Variants in PANK1 observed in about 807,000 individuals in gnomAD.
PANK1 encodes the protein pantothenate kinase 1.
In PANK1, 18 loss-of-function variants were observed where a neutral mutation model predicts 40.1. The observed-to-expected ratio is 0.45, with a 90% confidence interval of 0.31 to 0.67. PANK1 has a LOEUF of 0.67. Ranked by LOEUF, PANK1 falls within the 30% of genes least tolerant of loss-of-function variation. PANK1 has a pLI of 0.06. For synonymous variants in PANK1, 242 were observed against 237.7 expected, an observed-to-expected ratio of 1.02 and a Z score of -0.17; for missense variants, 457 against 599.6, an observed-to-expected ratio of 0.76 and a Z score of 2.48.
intron 1 of PANK1, among the ~76,000 whole-genome samples, chr10:89,620,817 C>A (rs1373777257): frequency 6.6e-6 from 1 of 152,124 alleles, no homozygotes; most frequent in Non-Finnish European, 1.5e-5. Context: ...CTGCCAGAGG[C>A]CCAGCTGTAA....
rs988235942 is a variant in PANK1 at position 89,583,072 on chromosome 10, A to G, written c.*1334T>C. On this transcript the variant is annotated 3_prime_UTR_variant, in exon 7 of 7. Transcript: ENST00000307534. ...TTCTTCAAGACTTGAAGATATGGAA[A>G]TTAAAGACGGTGCTCAGAAGGCAGA... 1 of 152,208 alleles carries G rather than the reference A, an allele frequency of 6.6e-6. No homozygotes were observed. Among genetic ancestry groups the G allele is most frequent in the African/African-American group, 2.4e-5 (1 of 41,468 alleles). 9.4% of individuals were successfully genotyped at this position (152,208 alleles called of 1,614,324 possible).
Position 89,645,143 on chromosome 10 carries a change from C to G in PANK1, c.-252G>C. The G allele has an allele frequency of 6.6e-7, 1 of 1,515,146 alleles. No individual in the cohort carries two copies. The highest frequency in any genetic ancestry group is 8.8e-7 in the Non-Finnish European group (1 of 1,135,012). 93.9% of individuals were successfully genotyped at this position (1,515,146 alleles called of 1,614,324 possible). A position where few individuals can be genotyped will look rare whatever the true frequency, so the allele number is the denominator to read the frequency against. On this transcript the variant is annotated 5_prime_UTR_variant, in exon 1 of 7. Transcript: ENST00000307534. ...AGCACGCCAGCCCCGGGCGCGGAAT[C>G]GGGGATCCCCGCGCACCCCCAGCCG...
At chr10:89,628,324 C>T (rs774524460) in intron 1 of PANK1, among the ~76,000 whole-genome samples, 2 of 152,170 alleles carry the variant, frequency 1.3e-5, no homozygotes, top group African/African-American at 4.8e-5. Context: ...GATAAATCCA[C>T]CCAATAAAAT....
At chr10:89,600,174 T>C (rs1589772931) in intron 2 of PANK1, among the ~76,000 whole-genome samples, 1 of 152,360 alleles carries the variant, frequency 6.6e-6, no homozygotes, top group East Asian at 1.9e-4. Flanking sequence ...ATTAAGTTTA[T>C]TTGTTATAGC....
At chr10:89,639,241 T>C in intron 1 of PANK1, 1 of 452,528 alleles carries the variant, frequency 2.2e-6, no homozygotes, top group Non-Finnish European at 4.5e-6. Flanking sequence ...CAAAAGAGCA[T>C]GCTTGAGAAA....
chr10:89,643,650 T>C (rs540416152), intron 1 of PANK1: 2 of 1,456,964 alleles, frequency 1.4e-6, no homozygotes, highest in South Asian at 2.3e-5. Context: ...TCGAACAGCA[T>C]AACCTCTATG....
intron 1 of PANK1, among the ~76,000 whole-genome samples, chr10:89,639,887 C>T (rs1333115556): frequency 6.6e-6 from 1 of 152,202 alleles, no homozygotes; most frequent in Non-Finnish European, 1.5e-5. Context: ...GCCACTGTTA[C>T]CTCCACAGAC....
At chr10:89,599,060 A>G in intron 3 of PANK1, 192 bp downstream of exon 3, 2 of 564,624 alleles carry the variant, frequency 3.5e-6, no homozygotes, top group Non-Finnish European at 6.2e-6. Context: ...TATCAAGGCA[A>G]GAACTGTTTT....
intron 2 of PANK1, among the ~76,000 whole-genome samples, chr10:89,607,836 T>C (rs1387442725): frequency 1.1e-5 from 1 of 90,584 alleles, no homozygotes; most frequent in African/African-American, 3.2e-5. Flanking sequence ...TACAGAGCCT[T>C]GGTGCACAGC....
At chr10:89,585,625 A>T (rs1404409230) in intron 6 of PANK1, among the ~76,000 whole-genome samples, 1 of 152,222 alleles carries the variant, frequency 6.6e-6, no homozygotes, top group Non-Finnish European at 1.5e-5. Flanking sequence ...TAATTGCCCC[A>T]TTTTACAAAT....
intron 1 of PANK1, among the ~76,000 whole-genome samples, chr10:89,621,021 G>A (rs182673945): frequency 3.9e-4 from 59 of 152,304 alleles, no homozygotes; most frequent in African/African-American, 1.3e-3. Context: ...CCTTGTTAAG[G>A]CCGGGTGCGG....
intron 2 of PANK1, among the ~76,000 whole-genome samples, chr10:89,610,934 T>C (rs1354167769): frequency 6.6e-6 from 1 of 152,184 alleles, no homozygotes; most frequent in Non-Finnish European, 1.5e-5. Context: ...GAGATTATTA[T>C]ATTGACTGTA....
chr10:89,644,839 G>A lies in PANK1; in HGVS notation c.53C>T (p.Ala18Val), dbSNP rs1315941017. The A allele has an allele frequency of 2.1e-6, 3 of 1,455,222 alleles. No individual in the cohort carries two copies. The highest frequency in any genetic ancestry group is 2.8e-5 in the East Asian group (1 of 35,514). 90.1% of individuals were successfully genotyped at this position (1,455,222 alleles called of 1,614,324 possible). The change falls in exon 1 of 7, where the codon GCC becomes GTC. Residue 18 changes from alanine (A) to valine (V), a missense_variant. Ala to Val is a moderately conservative substitution (Grantham distance 64, BLOSUM62 0). Coordinates refer to ENST00000307534, the MANE Select transcript of PANK1 (RefSeq NM_148977.3). The stretch of plus-strand genomic sequence containing the variant: ...AGCGGCGGCGCTGGTGCCCACGGGG[G>A]CCCCTGGAGAGTGCGGGACCGAGCG... ...QERSVPHSPG[A>V]PVGTSAAAVN...
intron 1 of PANK1, among the ~76,000 whole-genome samples, chr10:89,637,509 AGTATTTGT>A (rs1016663248): frequency 4.6e-5 from 7 of 152,246 alleles, no homozygotes; most frequent in Non-Finnish European, 1.0e-4. Flanking sequence ...AACAATGGTT[AGTATTTGT>A]GTATCTAAAC....
chr10:89,616,920 C>CAAAAAAAAAAAAAAAAAAAA (rs937915055), intron 1 of PANK1, among the ~76,000 whole-genome samples: 39 of 150,530 alleles, frequency 2.6e-4, no homozygotes, highest in African/African-American at 8.9e-4. Context: ...GACTCCATCT[C>CAAAAAAAAAAAAAAAAAAAA]AAAAAAAGAG....
At chr10:89,635,685 T>A (rs1589818657) in intron 1 of PANK1, among the ~76,000 whole-genome samples, 1 of 152,206 alleles carries the variant, frequency 6.6e-6, no homozygotes, top group South Asian at 2.1e-4. Flanking sequence ...CACAGTCTCA[T>A]CTGAATCAGA....
intron 3 of PANK1, among the ~76,000 whole-genome samples, chr10:89,598,914 C>A (rs951602238): frequency 2.0e-5 from 3 of 152,248 alleles, no homozygotes; most frequent in Admixed American, 1.3e-4. Context: ...CTTCTGAAGT[C>A]ATCTGTGACC....
At chr10:89,592,324 C>T (rs1308357349) in intron 5 of PANK1, among the ~76,000 whole-genome samples, 1 of 152,172 alleles carries the variant, frequency 6.6e-6, no homozygotes, top group Non-Finnish European at 1.5e-5. Flanking sequence ...TTCAACTATT[C>T]AACTGAGAGG....
intron 1 of PANK1, among the ~76,000 whole-genome samples, chr10:89,639,479 ATACTT>A (rs1400398229): frequency 2.6e-5 from 4 of 152,210 alleles, no homozygotes; most frequent in Non-Finnish European, 5.9e-5. Flanking sequence ...GCATGGTACT[ATACTT>A]GATATACATT....
Sources: allele counts gnomAD v4.1 joint callset (sites outside exome capture counted in the v4.1 genomes callset), GRCh38; gene constraint gnomAD v4.1.1; transcripts MANE v1.5; gene names NCBI Gene and HGNC (gene_info 2026-07-23, HGNC 2026-07-21).